The following KLHDC4 variants were observed in gnomAD, a reference collection of about 807,000 sequenced individuals.
The protein encoded by KLHDC4 is kelch domain containing 4.
A neutral mutation model predicts 62.4 loss-of-function variants in KLHDC4; 90 were observed. The observed-to-expected ratio is 1.44, with a 90% CI of 1.22 to 1.72. KLHDC4 has a LOEUF of 1.72. Ranked by LOEUF, KLHDC4 falls within the 40% of genes most tolerant of loss-of-function variation. KLHDC4 has a pLI of 0.00. For synonymous variants in KLHDC4, 386 were observed against 284.4 expected (o/e 1.36, Z -3.59); for missense variants, 1,025 against 699.7 (o/e 1.47, Z -5.25).
At chr16:87,758,938 G>A (rs2045438399) in intron 2 of KLHDC4, among the ~76,000 whole-genome samples, 1 of 152,200 alleles carries the variant, frequency 6.6e-6, no homozygotes, top group Non-Finnish European at 1.5e-5. Context: ...CACTTTCGGA[G>A]GCCGAGGCGG....
intron 5 of KLHDC4, among the ~76,000 whole-genome samples, chr16:87,735,138 A>C (rs60735711): frequency 0.12 from 18,098 of 151,522 alleles, 1,655 homozygotes; most frequent in African/African-American, 0.25. Context: ...TCTCTACTAA[A>C]AATACAAAAA....
chr16:87,706,976 C>G (rs1205948437), downstream of KLHDC4, among the ~76,000 whole-genome samples: 3 of 152,166 alleles, frequency 2.0e-5, no homozygotes, highest in Non-Finnish European at 4.4e-5. Context: ...GAAGTCTCCC[C>G]ACCACCCTTG....
intron 7 of KLHDC4, among the ~76,000 whole-genome samples, chr16:87,718,512 G>A (rs1271988455): frequency 6.6e-6 from 1 of 151,516 alleles, no homozygotes; most frequent in Non-Finnish European, 1.5e-5. Flanking sequence ...TGGGATTGCA[G>A]GCACGCGCCG....
intron 5 of KLHDC4, among the ~76,000 whole-genome samples, chr16:87,748,087 G>A (rs535158566): frequency 2.0e-5 from 3 of 152,266 alleles, no homozygotes; most frequent in East Asian, 1.9e-4. Context: ...CATGCCATCT[G>A]GCTCTCTACA....
intron 1 of KLHDC4, chr16:87,765,280 C>A: frequency 2.2e-6 from 1 of 456,124 alleles, no homozygotes; most frequent in South Asian, 1.5e-5. Flanking sequence ...GGCTCCAGTG[C>A]CTTCTTCACT....
At chr16:87,750,854 A>T (rs2043820473) in intron 4 of KLHDC4, 1 of 152,228 alleles carries the variant, frequency 6.6e-6, no homozygotes, top group Non-Finnish European at 1.5e-5. Context: ...TGCATCTGTC[A>T]TCTCAGCACA....
At chr16:87,738,507 G>A (rs1056562686) in intron 5 of KLHDC4, among the ~76,000 whole-genome samples, 2 of 152,082 alleles carry the variant, frequency 1.3e-5, no homozygotes, top group African/African-American at 4.8e-5. Context: ...AACAACCCAA[G>A]TGCCCAACAG....
intron 7 of KLHDC4, among the ~76,000 whole-genome samples, chr16:87,725,682 C>T (rs909115527): frequency 6.6e-6 from 1 of 152,152 alleles, no homozygotes; most frequent in African/African-American, 2.4e-5. Context: ...ACTTGAGTTC[C>T]GAGGACAGAG....
downstream of KLHDC4, among the ~76,000 whole-genome samples, chr16:87,704,227 G>A (rs1448215801): frequency 1.3e-5 from 2 of 152,198 alleles, no homozygotes; most frequent in African/African-American, 2.4e-5. Context: ...ACACGTGGAA[G>A]GAGGCGCCTG....
chr16:87,712,432 G>A (rs1272146875), intron 8 of KLHDC4, among the ~76,000 whole-genome samples: 1 of 152,218 alleles, frequency 6.6e-6, no homozygotes, highest in Non-Finnish European at 1.5e-5. Context: ...ACAAGAACTC[G>A]CCACACAGGG....
At chr16:87,738,816 C>T (rs1225964783) in intron 5 of KLHDC4, among the ~76,000 whole-genome samples, 124 of 109,238 alleles carry the variant, frequency 1.1e-3, no homozygotes, top group Non-Finnish European at 1.8e-3. Flanking sequence ...CACACCAGCA[C>T]CTCATCCACC....
At chr16:87,743,641 G>T (rs1406081823) in intron 5 of KLHDC4, among the ~76,000 whole-genome samples, 1 of 151,948 alleles carries the variant, frequency 6.6e-6, no homozygotes, top group Admixed American at 6.6e-5. Flanking sequence ...TCGGGAGGCT[G>T]AGGCAAGATA....
intron 5 of KLHDC4, among the ~76,000 whole-genome samples, chr16:87,732,403 T>C (rs2040544166): frequency 6.6e-6 from 1 of 152,232 alleles, no homozygotes; most frequent in Non-Finnish European, 1.5e-5. Flanking sequence ...GTCAGGTGTG[T>C]ATATTTCTTA....
At chr16:87,761,878 G>T in intron 2 of KLHDC4, 71 bp downstream of exon 2, 1 of 1,416,746 alleles carries the variant, frequency 7.1e-7, no homozygotes, top group Non-Finnish European at 9.9e-7. Flanking sequence ...GAAACCTGGT[G>T]CTATTTAAAG....
intron 5 of KLHDC4, among the ~76,000 whole-genome samples, chr16:87,739,492 CCATCCACACACCAGCACCT>C (rs1255325586): frequency 2.7e-5 from 4 of 147,988 alleles, no homozygotes; most frequent in Admixed American, 6.8e-5. Context: ...AGCACGTCAT[CCATCCACACACCAGCACCT>C]CATCCACACA....
chr16:87,745,525 T>C (rs550752223), intron 5 of KLHDC4, among the ~76,000 whole-genome samples: 2 of 152,368 alleles, frequency 1.3e-5, no homozygotes, highest in East Asian at 3.9e-4. Flanking sequence ...GACCTTCCTG[T>C]TTCATATGGG....
rs2044660882 is a variant in KLHDC4 at position 87,755,137 on chromosome 16, C to G, written c.369+57G>C. 22 of 1,208,530 alleles carry G rather than the reference C, an allele frequency of 1.8e-5. No individual in the cohort carries two copies. The South Asian group carries it at 2.6e-4, about 14-fold the overall frequency. 74.9% of individuals were successfully genotyped at this position (1,208,530 alleles called of 1,614,324 possible). ...TGTCACCTATCAACTCTCCGTGTGT[C>G]TACCAGACTCCCACGTGGGAAGAGG... On this transcript the variant is annotated intron_variant, in intron 4 of 11. Transcript: ENST00000270583.
At chr16:87,700,218 A>G (rs1201326705) in exon 1 of KLHDC4, 2 of 154,290 alleles carry the variant, frequency 1.3e-5, no homozygotes, top group Admixed American at 1.3e-4. Flanking sequence ...ACTCTTCCGA[A>G]GTTTGATCTG....
intron 7 of KLHDC4, among the ~76,000 whole-genome samples, chr16:87,722,549 TCCAGGCA>T (rs1180319776): frequency 6.6e-6 from 1 of 152,196 alleles, no homozygotes; most frequent in Non-Finnish European, 1.5e-5. Context: ...CACGCCACTG[TCCAGGCA>T]CCAGGCACGC....
Sources: allele counts gnomAD v4.1 joint callset (sites outside exome capture counted in the v4.1 genomes callset), GRCh38; gene constraint gnomAD v4.1.1; transcripts MANE v1.5; gene names NCBI Gene and HGNC (gene_info 2026-07-23, HGNC 2026-07-21).